Variants in PNLIPRP3 observed in about 807,000 individuals in gnomAD.
The protein encoded by PNLIPRP3 is pancreatic lipase-related protein 3.
Under a neutral mutation model 52.8 loss-of-function variants are expected in PNLIPRP3, and 58 were observed. That is an observed-to-expected ratio of 1.10 (90% CI 0.89 to 1.37). PNLIPRP3 has a LOEUF of 1.37. PNLIPRP3 is among the 40% of genes most tolerant of loss of function. The pLI is 0.00. For synonymous variants in PNLIPRP3, 192 were observed against 185.0 expected (o/e 1.04, Z -0.31); for missense variants, 593 against 561.6 (o/e 1.06, Z -0.57).
chr10:116,439,327 A>G lies in PNLIPRP3; in HGVS notation c.204+2462A>G, dbSNP rs956958508. 3.2e-5 allele frequency: 13 copies of G among 404,452 alleles called. No homozygotes were observed. The East Asian group carries it at 5.9e-4, about 18-fold the overall frequency. 25.1% of individuals were successfully genotyped at this position (404,452 alleles called of 1,614,324 possible). A position where few individuals can be genotyped will look rare whatever the true frequency, so the allele number is the denominator to read the frequency against. On this transcript the variant is annotated intron_variant, in intron 2 of 11. Coordinates refer to ENST00000369230, the MANE Select transcript of PNLIPRP3 (RefSeq NM_001011709.3). ...TATTTCTAGAGCACTTTGAGAGACT[A>G]CAATATGATCATGATCAAATTTTGT...
chr10:116,467,621 CT>C (rs1292316317), intron 8 of PNLIPRP3, among the ~76,000 whole-genome samples: 1 of 152,034 alleles, frequency 6.6e-6, no homozygotes, highest in African/African-American at 2.4e-5. Context: ...AATCCTTCCC[CT>C]AAGGCAGAGT....
intron 5 of PNLIPRP3, among the ~76,000 whole-genome samples, chr10:116,459,843 C>T (rs1846166128): frequency 6.6e-6 from 1 of 152,178 alleles, no homozygotes; most frequent in Admixed American, 6.5e-5. Context: ...TCTTGGCTCA[C>T]TGCAACCTCC....
At chr10:116,450,490 C>T (rs973246502) in intron 4 of PNLIPRP3, among the ~76,000 whole-genome samples, 22 of 151,750 alleles carry the variant, frequency 1.4e-4, no homozygotes, top group African/African-American at 5.3e-4. Flanking sequence ...ATAGTGAATA[C>T]AAAAACAATA....
Position 116,455,828 on chromosome 10 carries a change from C to A in PNLIPRP3, c.563C>A (p.Thr188Asn). Residue 188 changes from threonine to asparagine, a missense_variant and splice_region_variant, in exon 5 of 12, where the codon ACT becomes AAT. By Grantham distance (65) the Thr-to-Asn change is moderately conservative. Coordinates refer to ENST00000369230, the MANE Select transcript of PNLIPRP3 (RefSeq NM_001011709.3). ...AGGATACCAGGCCTTGGAAGAATAACTGGTAAGCATGCCCTGCAGTTGGGC... is the reference window on the plus strand; with the variant it reads ...AGGATACCAGGCCTTGGAAGAATAAATGGTAAGCATGCCCTGCAGTTGGGC... Reference protein sequence around the residue: ...GSRIPGLGRITGLDPAGPFFH... With the variant: ...GSRIPGLGRINGLDPAGPFFH... 1 of 1,610,868 alleles carries A rather than the reference C, an allele frequency of 6.2e-7. No individual in the cohort carries two copies. The highest frequency in any genetic ancestry group is 8.5e-7 in the Non-Finnish European group (1 of 1,177,098).
intron 8 of PNLIPRP3, among the ~76,000 whole-genome samples, chr10:116,466,767 A>G (rs1187985905): frequency 6.6e-6 from 1 of 152,214 alleles, no homozygotes; most frequent in Non-Finnish European, 1.5e-5. Flanking sequence ...TTAGAGACCT[A>G]ATCCCCTGTT....
chr10:116,473,839 T>C (rs1214605205), intron 10 of PNLIPRP3, among the ~76,000 whole-genome samples: 1 of 150,726 alleles, frequency 6.6e-6, no homozygotes, highest in East Asian at 2.0e-4. Context: ...AAATTTCTAA[T>C]AGGCTATCTA....
At chr10:116,429,447 T>C (rs1158023653) in intron 1 of PNLIPRP3, among the ~76,000 whole-genome samples, 1 of 152,322 alleles carries the variant, frequency 6.6e-6, no homozygotes, top group Admixed American at 6.5e-5. Context: ...AATCAATAAA[T>C]GTTCGCTCTT....
intron 2 of PNLIPRP3, among the ~76,000 whole-genome samples, chr10:116,440,571 T>C (rs1290102403): frequency 2.6e-5 from 4 of 152,182 alleles, no homozygotes; most frequent in South Asian, 2.1e-4. Flanking sequence ...CTATATGAAT[T>C]GGACTCATTT....
At chr10:116,434,786 T>C (rs17094741) in intron 1 of PNLIPRP3, among the ~76,000 whole-genome samples, 19,266 of 152,124 alleles carry the variant, frequency 0.13, 1,497 homozygotes, top group Admixed American at 0.25. Flanking sequence ...AAAGCCATGA[T>C]CCAACTATGA....
Position 116,477,826 on chromosome 10 carries a change from A to C in PNLIPRP3, c.*673A>C, listed in dbSNP as rs1846500237. On this transcript the variant is annotated 3_prime_UTR_variant, in exon 12 of 12. Coordinates refer to ENST00000369230, the MANE Select transcript of PNLIPRP3 (RefSeq NM_001011709.3). The stretch of plus-strand genomic sequence containing the variant: ...CCCCTTCCTCCAAAGTCCCTGCCAC[A>C]GGAGAATTACTCCTCTCCCTGGGTC... 1 of 152,178 alleles carries C rather than the reference A, an allele frequency of 6.6e-6. No individual in the cohort carries two copies. The highest frequency in any genetic ancestry group is 1.5e-5 in the Non-Finnish European group (1 of 68,054). 9.4% of individuals were successfully genotyped at this position (152,178 alleles called of 1,614,324 possible).
At position 116,427,906 on chromosome 10, in the gene PNLIPRP3, T is replaced by G; in HGVS notation, c.-107T>G. On this transcript the variant is annotated 5_prime_UTR_variant, in exon 1 of 12. Transcript: ENST00000369230. Reference sequence around the variant, plus strand: ...TTCTTTTAAACGTAGAGTTTAAACATTGAGTTGCATCATTGTGAGGAAAAC... The same window carrying G: ...TTCTTTTAAACGTAGAGTTTAAACAGTGAGTTGCATCATTGTGAGGAAAAC... 1.2e-6 allele frequency: 1 copy of G among 810,096 alleles called. No homozygotes were observed. Among genetic ancestry groups the G allele is most frequent in the Non-Finnish European group, 2.1e-6 (1 of 468,052 alleles). 50.2% of individuals were successfully genotyped at this position (810,096 alleles called of 1,614,324 possible).
rs1846492153 is a variant in PNLIPRP3 at position 116,477,455 on chromosome 10, T to G, written c.*302T>G. The G allele has an allele frequency of 4.8e-6, 1 of 209,320 alleles. No homozygotes were observed. The highest frequency in any genetic ancestry group is 2.3e-5 in the African/African-American group (1 of 43,304). 13.0% of individuals were successfully genotyped at this position (209,320 alleles called of 1,614,324 possible). On this transcript the variant is annotated 3_prime_UTR_variant, in exon 12 of 12. Coordinates refer to ENST00000369230, the MANE Select transcript of PNLIPRP3 (RefSeq NM_001011709.3). ...AATAAGAGGAGGTGATGCAAATGTA[T>G]GTTGAGTGTATAAACTCACTGGACA...
At position 116,439,600 on chromosome 10, in the gene PNLIPRP3, T is replaced by C. The variant is rs1024948807; in HGVS notation, c.204+2735T>C. On this transcript the variant is annotated intron_variant, in intron 2 of 11. Coordinates refer to ENST00000369230, the MANE Select transcript of PNLIPRP3 (RefSeq NM_001011709.3). ...TCAGCAACATCCTTCTCATACTTTT[T>C]CAGCTTTGCCACCTTAGTGATGTAA... 36 of 783,444 alleles carry C rather than the reference T, an allele frequency of 4.6e-5. No individual in the cohort carries two copies. In the East Asian group the frequency reaches 8.5e-4, roughly 19 times the overall value. The allele number at this position is 783,444 out of a possible 1,614,324, so 48.5% of individuals were successfully genotyped here. A position where few individuals can be genotyped will look rare whatever the true frequency, so the allele number is the denominator to read the frequency against.
intron 4 of PNLIPRP3, among the ~76,000 whole-genome samples, chr10:116,449,896 A>T (rs563161833): frequency 6.6e-6 from 1 of 152,342 alleles, no homozygotes; most frequent in East Asian, 1.9e-4. Flanking sequence ...CATACCAAGT[A>T]TCTTTCTTGA....
chr10:116,471,730 C>T, intron 9 of PNLIPRP3, 38 bp from the exon 10 acceptor site: 2 of 1,468,114 alleles, frequency 1.4e-6, no homozygotes, highest in Non-Finnish European at 1.9e-6. Flanking sequence ...TGTTTTTAAC[C>T]CTTTCTCTCC....
intron 1 of PNLIPRP3, among the ~76,000 whole-genome samples, chr10:116,433,005 G>A (rs993846861): frequency 2.0e-5 from 3 of 149,996 alleles, no homozygotes; most frequent in African/African-American, 4.9e-5. Context: ...TCCCAGCTAC[G>A]CGGGAGGCTG....
intron 4 of PNLIPRP3, among the ~76,000 whole-genome samples, chr10:116,452,510 G>A (rs1454867950): frequency 2.0e-5 from 3 of 152,166 alleles, no homozygotes; most frequent in Non-Finnish European, 4.4e-5. Flanking sequence ...GCATTTCAGA[G>A]ATCTTTGAGG....
At position 116,444,387 on chromosome 10, in the gene PNLIPRP3, G is replaced by T. The variant is rs772744293; in HGVS notation, c.330G>T (p.Leu110Phe). The T allele has an allele frequency of 3.7e-6, 6 of 1,606,198 alleles. No individual in the cohort carries two copies. Among genetic ancestry groups the T allele is most frequent in the Non-Finnish European group, 5.1e-6 (6 of 1,176,022 alleles). The change falls in exon 4 of 12, where the codon TTG becomes TTT. Residue 110 changes from leucine to phenylalanine, a missense_variant. Leu to Phe is a conservative substitution (Grantham distance 22). Transcript: ENST00000369230. ...GKWQRDMCNVLLQLEDINCIN... is the reference protein window; with the variant it reads ...GKWQRDMCNVFLQLEDINCIN... ...TATATAAATCTTTGTGCCAGGTGTT[G>T]CTACAGCTGGAAGATATAAATTGCA...
intron 4 of PNLIPRP3, among the ~76,000 whole-genome samples, chr10:116,445,014 C>A (rs936986053): frequency 6.6e-6 from 1 of 152,152 alleles, no homozygotes; most frequent in African/African-American, 2.4e-5. Flanking sequence ...CTATACTCTG[C>A]GACATTCACG....
Sources: allele counts gnomAD v4.1 joint callset (sites outside exome capture counted in the v4.1 genomes callset), GRCh38; gene constraint gnomAD v4.1.1; transcripts MANE v1.5; gene names NCBI Gene and HGNC (gene_info 2026-07-23, HGNC 2026-07-21).